The following TMEM132A variants were observed in gnomAD, a reference collection of about 807,000 sequenced individuals.
TMEM132A encodes the protein GRP78-binding protein.
Under a neutral mutation model 69.9 loss-of-function variants are expected in TMEM132A, and 48 were observed. The observed-to-expected ratio is 0.69, with a 90% CI of 0.55 to 0.87. The LOEUF (loss-of-function observed/expected upper bound fraction) is 0.87. Ranked by LOEUF, TMEM132A falls within the 40% of genes least tolerant of loss-of-function variation. The pLI, the probability that TMEM132A is intolerant of heterozygous loss-of-function variation, is 0.00. For synonymous variants in TMEM132A, 577 were observed against 613.7 expected (o/e 0.94, Z 0.88); for missense variants, 1,287 against 1,407.2 (o/e 0.91, Z 1.37).
intron 5 of TMEM132A, 85 bp downstream of exon 5, chr11:60,930,744 T>A: frequency 3.7e-6 from 5 of 1,337,440 alleles, no homozygotes; most frequent in Non-Finnish European, 4.0e-6. Flanking sequence ...GCTGCCATGC[T>A]GCCTCTAGAT....
In TMEM132A at chr11:60,935,171, GT is replaced by G; in HGVS notation, c.1837-80del. 7.3e-7 allele frequency: 1 copy of G among 1,377,798 alleles called. No individual in the cohort carries two copies. Among genetic ancestry groups the G allele is most frequent in the Non-Finnish European group, 1.0e-6 (1 of 1,002,504 alleles). The allele number at this position is 1,377,798 out of a possible 1,614,324, so 85.3% of individuals were successfully genotyped here. A position where few individuals can be genotyped will look rare whatever the true frequency, so the allele number is the denominator to read the frequency against. On this transcript the variant is annotated intron_variant, in intron 9 of 10. Coordinates refer to ENST00000453848, the MANE Select transcript of TMEM132A (RefSeq NM_178031.3). This position sits in a 1 kb window ranked among gnomAD's most constrained non-coding sequence, Gnocchi z 5.0. ...CACCTCCGGAGGGCAGCCCGTGAGG[GT>G]GCTGGGAGCACCCGGTTCCCTCTGG... is the stretch of plus-strand genomic sequence containing the variant.
At position 60,927,863 on chromosome 11, in the gene TMEM132A, A is replaced by G. The variant is rs745563168; in HGVS notation, c.534+4A>G. The G allele has an allele frequency of 1.6e-5, 25 of 1,605,494 alleles. No homozygotes were observed. The highest frequency in any genetic ancestry group is 1.7e-5 in the Non-Finnish European group (20 of 1,177,676). On this transcript the variant is annotated splice_donor_region_variant and intron_variant, in intron 3 of 10. Transcript: ENST00000453848. ...TCACCAAGCCTGCCGCTTCCAGGTG[A>G]GTAGACAGGCCCCACCTAGGCTGGT...
In TMEM132A at chr11:60,930,533, A is replaced by G; in HGVS notation, c.890A>G (p.His297Arg). The G allele has an allele frequency of 6.2e-7, 1 of 1,609,118 alleles. No homozygotes were observed. Among genetic ancestry groups the G allele is most frequent in the South Asian group, 1.1e-5 (1 of 90,390 alleles). The stretch of plus-strand genomic sequence containing the variant: ...AGGATCAAGGTGAAGAAGGGGCTGC[A>G]TGTGACAGCCGCCCGCCCAGCCCAG... The part of the protein sequence containing the change: ...TLRIKVKKGL[H>R]VTAARPAQPT... The change falls in exon 5 of 11, where the codon CAT (histidine) becomes CGT (arginine). Residue 297 changes from histidine (H) to arginine (R), a missense_variant. His to Arg is a conservative substitution (Grantham distance 29, BLOSUM62 0). Coordinates refer to ENST00000453848, the MANE Select transcript of TMEM132A (RefSeq NM_178031.3).
Position 60,936,008 on chromosome 11 carries a change from G to A in TMEM132A, c.2173G>A (p.Gly725Arg), listed in dbSNP as rs376877652. The A allele has an allele frequency of 6.4e-5, 103 of 1,607,928 alleles. 1 individual carries two copies. The Middle Eastern group carries it at 1.3e-3, about 21-fold the overall frequency. The change falls in exon 11 of 11, where the codon GGG becomes AGG. Residue 725 changes from glycine to arginine, a missense_variant. Physicochemically the swap from Gly to Arg is moderately radical, Grantham distance 125. Coordinates refer to ENST00000453848, the MANE Select transcript of TMEM132A (RefSeq NM_178031.3). ...LPAEEQGAQL[G>R]VVVSGAGAEG... ...AGCTGAGGAGCAGGGTGCCCAGCTC[G>A]GGGTGGTGGTGAGTGGGGCAGGCGC...
intron 4 of TMEM132A, 69 bp from the exon 5 acceptor site, chr11:60,930,441 T>C: frequency 6.7e-7 from 1 of 1,492,404 alleles, no homozygotes; most frequent in Admixed American, 2.2e-5. Flanking sequence ...GCTCCTTGTC[T>C]TTCCCCTTCA....
chr11:60,927,752 T>C lies in TMEM132A; in HGVS notation c.427T>C (p.Phe143Leu). 6.2e-7 allele frequency: 1 copy of C among 1,613,454 alleles called. No homozygotes were observed. The highest frequency in any genetic ancestry group is 8.5e-7 in the Non-Finnish European group (1 of 1,180,026). ...AGCAGAGCCCTACGCCCGGGTTCTCTTCCACCTCAAAGGGCAGGATTGGCC... is the reference window on the plus strand; with the variant it reads ...AGCAGAGCCCTACGCCCGGGTTCTCCTCCACCTCAAAGGGCAGGATTGGCC... ...TPAEPYARVL[F>L]HLKGQDWPPG... The change falls in exon 3 of 11, where the codon TTC becomes CTC. Residue 143 changes from phenylalanine (F) to leucine (L), a missense_variant. By Grantham distance (22) the Phe-to-Leu change is conservative (BLOSUM62 0). Transcript: ENST00000453848.
chr11:60,927,431 C>T lies in TMEM132A; in HGVS notation c.315+13C>T. On this transcript the variant is annotated intron_variant, in intron 2 of 10. Transcript: ENST00000453848. The stretch of plus-strand genomic sequence containing the variant: ...TGCCACTCAGCAGGTAAGGAGGGGG[C>T]ACCGGGGACTCTCAGGCTAACAGGA... 1.9e-6 allele frequency: 3 copies of T among 1,603,294 alleles called. No individual in the cohort carries two copies. The highest frequency in any genetic ancestry group is 2.2e-5 in the East Asian group (1 of 44,770).
At position 60,936,042 on chromosome 11, in the gene TMEM132A, T is replaced by G. The variant is rs748355502; in HGVS notation, c.2207T>G (p.Leu736Arg). ...VVVSGAGAEG[L>R]PLHVALHPPE... The stretch of plus-strand genomic sequence containing the variant: ...GTGAGTGGGGCAGGCGCCGAGGGGC[T>G]GCCGCTGCATGTGGCTCTGCACCCG... Residue 736 changes from leucine (L) to arginine (R), a missense_variant, in exon 11 of 11, where the codon CTG becomes CGG. Coordinates refer to ENST00000453848, the MANE Select transcript of TMEM132A (RefSeq NM_178031.3). 2 of 1,604,312 alleles carry G rather than the reference T, an allele frequency of 1.2e-6. No homozygotes were observed. The highest frequency in any genetic ancestry group is 1.7e-6 in the Non-Finnish European group (2 of 1,177,676).
chr11:60,929,639 C>T (rs1856432375), intron 4 of TMEM132A, among the ~76,000 whole-genome samples: 1 of 152,166 alleles, frequency 6.6e-6, no homozygotes, highest in Non-Finnish European at 1.5e-5. Flanking sequence ...TAGGGTGAGG[C>T]ACTGGGACTT....
At position 60,927,860 on chromosome 11, in the gene TMEM132A, G is replaced by A. The variant is rs1452565473; in HGVS notation, c.534+1G>A. 3.7e-6 allele frequency: 6 copies of A among 1,606,622 alleles called. No individual in the cohort carries two copies. Among genetic ancestry groups the A allele is most frequent in the Non-Finnish European group, 5.1e-6 (6 of 1,178,058 alleles). ...TGCTCACCAAGCCTGCCGCTTCCAG[G>A]TGAGTAGACAGGCCCCACCTAGGCT... On this transcript the variant is annotated splice_donor_variant, in intron 3 of 10. Transcript: ENST00000453848. LOFTEE classifies it high-confidence loss of function.
chr11:60,929,359 A>T (rs757848808), intron 4 of TMEM132A, among the ~76,000 whole-genome samples: 1 of 152,202 alleles, frequency 6.6e-6, no homozygotes, highest in Non-Finnish European at 1.5e-5. Context: ...GTTCACCTAC[A>T]TGCTGTCCCT....
chr11:60,926,921 C>T, intron 1 of TMEM132A: 1 of 516,100 alleles, frequency 1.9e-6, no homozygotes. Context: ...ATTGAGAAGG[C>T]TGTTGGCGAG....
Position 60,934,691 on chromosome 11 carries a change from T to C in TMEM132A, c.1763T>C (p.Leu588Pro), listed in dbSNP as rs199985864. ...CTCGTGGCGCCACACGCCCGCGTGCTGGACTCGCGTGTAGCCTCTCTGGAG... is the reference window on the plus strand; with the variant it reads ...CTCGTGGCGCCACACGCCCGCGTGCCGGACTCGCGTGTAGCCTCTCTGGAG... ...SHLVAPHARV[L>P]DSRVASLEGG... The change falls in exon 9 of 11, where the codon CTG (leucine) becomes CCG (proline). Residue 588 changes from leucine (L) to proline (P), a missense_variant. Coordinates refer to ENST00000453848, the MANE Select transcript of TMEM132A (RefSeq NM_178031.3). 6.7e-5 allele frequency: 107 copies of C among 1,605,798 alleles called. No individual in the cohort carries two copies. The Admixed American group carries it at 7.3e-4, about 11-fold the overall frequency.
chr11:60,936,099 TGCCTCTG>T lies in TMEM132A; in HGVS notation c.2274_2280del (p.Ser759ProfsTer47). ...CCCTGCCGCCGGGGCCGCCACCGTG[TGCCTCTG>T]GCCTCTGGCACCGCCTGGCTGGGGC... On this transcript the variant is annotated frameshift_variant, in exon 11 of 11. Coordinates refer to ENST00000453848, the MANE Select transcript of TMEM132A (RefSeq NM_178031.3). LOFTEE classifies it low-confidence loss of function (END_TRUNC). 1.9e-6 allele frequency: 3 copies of T among 1,611,830 alleles called. No individual in the cohort carries two copies. The highest frequency in any genetic ancestry group is 2.5e-6 in the Non-Finnish European group (3 of 1,179,102).
At position 60,936,645 on chromosome 11, in the gene TMEM132A, C is replaced by T. The variant is rs200803302; in HGVS notation, c.2810C>T (p.Ala937Val). 93 of 1,556,238 alleles carry T rather than the reference C, an allele frequency of 6.0e-5. 1 individual carries two copies. In the East Asian group the frequency reaches 2.0e-3, roughly 33 times the overall value. ...SGGGGEAPTL[A>V]PGPPGGTTSS... Reference sequence around the variant, plus strand: ...GGAGGAGGGGAGGCCCCTACCCTGGCCCCTGGCCCTCCTGGGGGCACCACC... The same window carrying T: ...GGAGGAGGGGAGGCCCCTACCCTGGTCCCTGGCCCTCCTGGGGGCACCACC... The change falls in exon 11 of 11, where the codon GCC becomes GTC. Residue 937 changes from alanine to valine, a missense_variant. Ala to Val is a moderately conservative substitution (Grantham distance 64). Coordinates refer to ENST00000453848, the MANE Select transcript of TMEM132A (RefSeq NM_178031.3).
chr11:60,935,202 G>A lies in TMEM132A; in HGVS notation c.1837-50G>A. On this transcript the variant is annotated intron_variant, in intron 9 of 10. Coordinates refer to ENST00000453848, the MANE Select transcript of TMEM132A (RefSeq NM_178031.3). The surrounding 1 kb of genome is among the most constrained non-coding windows in gnomAD (Gnocchi z 5.0). ...GGAGCACCCGGTTCCCTCTGGGTGG[G>A]GGCTGTCTGTATGGAAGGCCCCCCA... 1 of 1,536,958 alleles carries A rather than the reference G, an allele frequency of 6.5e-7. No homozygotes were observed. The highest frequency in any genetic ancestry group is 8.8e-7 in the Non-Finnish European group (1 of 1,132,562).
rs993450799 is a variant in TMEM132A, at chr11:60,934,674, G to A, written c.1746G>A (p.Ala582=). The part of the protein sequence containing the change: ...DWLLDVSHLV[A]PHARVLDSRV... ...TGCTAGACGTGTCCCACCTCGTGGC[G>A]CCACACGCCCGCGTGCTGGACTCGC... is the stretch of plus-strand genomic sequence containing the variant. The change falls in exon 9 of 11, where the codon GCG becomes GCA. Residue 582 remains alanine (A), a synonymous_variant. Transcript: ENST00000453848. The A allele has an allele frequency of 7.5e-6, 12 of 1,601,020 alleles. No homozygotes were observed. Among genetic ancestry groups the A allele is most frequent in the Middle Eastern group, 1.7e-4 (1 of 5,808 alleles).
At chr11:60,927,528 G>A (rs1856373179) in intron 2 of TMEM132A, 110 bp downstream of exon 2, 1 of 1,408,608 alleles carries the variant, frequency 7.1e-7, no homozygotes, top group African/African-American at 1.4e-5. Context: ...CCATATTCCA[G>A]AGGGGGAAAC....
At position 60,935,287 on chromosome 11, in the gene TMEM132A, G is replaced by A. The variant is rs770262438; in HGVS notation, c.1872G>A (p.Glu624=). The change falls in exon 10 of 11, where the codon GAG becomes GAA. Residue 624 remains glutamate (E), a synonymous_variant. Coordinates refer to ENST00000453848, the MANE Select transcript of TMEM132A (RefSeq NM_178031.3). This position sits in a 1 kb window ranked among gnomAD's most constrained non-coding sequence, Gnocchi z 5.0. ...RSPLSDSILG[E]QALAVTDDKV... is the part of the protein sequence containing the mutation. ...CACTGTCTGACTCCATCCTGGGGGA[G>A]CAGGCGCTGGCTGTGACGGACGACA... 4 of 1,612,406 alleles carry A rather than the reference G, an allele frequency of 2.5e-6. No individual in the cohort carries two copies. Among genetic ancestry groups the A allele is most frequent in the Middle Eastern group, 1.8e-4 (1 of 5,470 alleles).
Sources: allele counts gnomAD v4.1 joint callset (sites outside exome capture counted in the v4.1 genomes callset), GRCh38; gene constraint gnomAD v4.1.1; non-coding constraint Gnocchi (gnomAD v3.1); transcripts MANE v1.5; gene names NCBI Gene and HGNC (gene_info 2026-07-23, HGNC 2026-07-21).